The following CUL2 variants were observed in gnomAD, a reference collection of about 807,000 sequenced individuals.
CUL2 encodes the protein cullin 2.
A neutral mutation model predicts 110.2 loss-of-function variants in CUL2; 22 were observed. The ratio of observed to expected loss-of-function variants is 0.20; its 90% CI spans 0.14 to 0.28. The LOEUF is 0.28. CUL2 is among the 10% of genes least tolerant of loss of function. The probability of loss-of-function intolerance (pLI) is 1.00; values close to 1 mark genes in which losing one functional copy is unlikely to be tolerated. For synonymous variants in CUL2, 279 were observed against 293.2 expected, an observed-to-expected ratio of 0.95 and a Z score of 0.49; for missense variants, 631 against 905.5, an observed-to-expected ratio of 0.70 and a Z score of 3.89.
chr10:35,056,683 C>T (rs1264850694), intron 4 of CUL2, among the ~76,000 whole-genome samples: 2 of 152,176 alleles, frequency 1.3e-5, no homozygotes, highest in African/African-American at 4.8e-5. Flanking sequence ...AATATACAAA[C>T]AAATATAAGA....
At chr10:35,123,108 A>T (rs2087697499) in intron 1 of CUL2, among the ~76,000 whole-genome samples, 1 of 152,222 alleles carries the variant, frequency 6.6e-6, no homozygotes. Context: ...ACTGCACTCC[A>T]GCCAGGGTGA....
intron 16 of CUL2, among the ~76,000 whole-genome samples, chr10:35,027,680 C>T (rs2085370864): frequency 6.6e-6 from 1 of 152,012 alleles, no homozygotes; most frequent in South Asian, 2.1e-4. Context: ...CATGAGAAAA[C>T]TGTACACTAT....
chr10:35,116,958 A>G (rs910323847), intron 1 of CUL2, among the ~76,000 whole-genome samples: 11 of 149,282 alleles, frequency 7.4e-5, no homozygotes, highest in South Asian at 4.2e-4. Flanking sequence ...TTCCGTCTCA[A>G]AAAAAAAAAA....
intron 1 of CUL2, among the ~76,000 whole-genome samples, chr10:35,078,044 T>A (rs1012714295): frequency 6.6e-6 from 1 of 152,016 alleles, no homozygotes; most frequent in Non-Finnish European, 1.5e-5. Flanking sequence ...CTCATAAACA[T>A]TAATATTTTC....
chr10:35,067,889 C>G lies in CUL2; in HGVS notation c.119+3310G>C, dbSNP rs186871551. 2.6e-3 allele frequency among the ~76,000 whole-genome samples: 389 copies of G among 152,098 alleles called. 9 individuals are homozygous for G. In the East Asian group the frequency reaches 0.042, roughly 16 times the overall value. Reference sequence around the variant, plus strand: ...TTGGGAGGCTGAGGCAGGCGGATCACGAGGTCAGGAGATCGAGACCATCCT... The same window carrying G: ...TTGGGAGGCTGAGGCAGGCGGATCAGGAGGTCAGGAGATCGAGACCATCCT... On this transcript the variant is annotated intron_variant, in intron 2 of 20. Coordinates refer to ENST00000374749, the MANE Select transcript of CUL2 (RefSeq NM_003591.4).
chr10:35,081,411 T>C (rs1005981654), intron 1 of CUL2, among the ~76,000 whole-genome samples: 1 of 152,212 alleles, frequency 6.6e-6, no homozygotes, highest in Non-Finnish European at 1.5e-5. Context: ...TTTTGTTCAA[T>C]AATCTAGTCA....
rs776572346 is a variant in CUL2 at position 35,054,535 on chromosome 10, G to A, written c.322C>T (p.Leu108Phe). Residue 108 changes from leucine (L) to phenylalanine (F), a missense_variant, in exon 5 of 21, where the codon CTC (leucine) becomes TTC (phenylalanine). Physicochemically the swap from Leu to Phe is conservative, Grantham distance 22. Coordinates refer to ENST00000374749, the MANE Select transcript of CUL2 (RefSeq NM_003591.4). ...TTCTTTTTAATAAACTGGGTGTTGA[G>A]ATACCTGGAAAATAAATGTAATATC... ...ADYMDCLYRY[L>F]NTQFIKKNKL... 6.5e-7 allele frequency: 1 copy of A among 1,548,628 alleles called. No homozygotes were observed. The highest frequency in any genetic ancestry group is 1.2e-5 in the South Asian group (1 of 84,842).
At chr10:35,076,958 A>C (rs954989443) in intron 1 of CUL2, among the ~76,000 whole-genome samples, 1 of 152,098 alleles carries the variant, frequency 6.6e-6, no homozygotes, top group Non-Finnish European at 1.5e-5. Flanking sequence ...AGGCTGAGGC[A>C]GGAGAATGGC....
intron 14 of CUL2, among the ~76,000 whole-genome samples, chr10:35,030,957 T>C (rs920086579): frequency 2.6e-5 from 4 of 152,248 alleles, no homozygotes; most frequent in African/African-American, 9.6e-5. Context: ...AATATGAACC[T>C]GCTACCACTT....
At chr10:35,063,917 G>A (rs1465506121) in intron 2 of CUL2, 6 of 152,160 alleles carry the variant, frequency 3.9e-5, no homozygotes, top group Non-Finnish European at 8.8e-5. Flanking sequence ...GGAACTAGGT[G>A]TTTCATATGC....
intron 1 of CUL2, among the ~76,000 whole-genome samples, chr10:35,122,104 C>CTTAAATTATGAT (rs1366903073): frequency 6.6e-6 from 1 of 152,168 alleles, no homozygotes; most frequent in Non-Finnish European, 1.5e-5. Flanking sequence ...ATAAATCAAG[C>CTTAAATTATGAT]ACATATTATA....
At chr10:35,044,221 C>A (rs2085877211) in intron 8 of CUL2, among the ~76,000 whole-genome samples, 1 of 152,094 alleles carries the variant, frequency 6.6e-6, no homozygotes, top group African/African-American at 2.4e-5. Flanking sequence ...AGAGCTTCTG[C>A]ACTTATCCTA....
intron 3 of CUL2, among the ~76,000 whole-genome samples, chr10:35,062,083 T>C (rs2086397036): frequency 2.0e-5 from 3 of 152,166 alleles, no homozygotes; most frequent in Admixed American, 1.3e-4. Flanking sequence ...GAGTGAAGAT[T>C]CTTACGCAGG....
chr10:35,037,928 C>G (rs1336130131), intron 9 of CUL2, among the ~76,000 whole-genome samples: 1 of 151,820 alleles, frequency 6.6e-6, no homozygotes, highest in Non-Finnish European at 1.5e-5. Flanking sequence ...CCGGGGCAAG[C>G]AGATTATCTG....
intron 1 of CUL2, among the ~76,000 whole-genome samples, chr10:35,077,584 G>A (rs535210386): frequency 4.2e-4 from 64 of 151,950 alleles, no homozygotes; most frequent in Admixed American, 3.1e-3. Context: ...TTGGGAGGCC[G>A]AGGCAGGCGC....
At chr10:35,061,336 T>C (rs1457169121) in intron 3 of CUL2, among the ~76,000 whole-genome samples, 1 of 151,306 alleles carries the variant, frequency 6.6e-6, no homozygotes, top group Admixed American at 6.6e-5. Context: ...TAGCCAGCCG[T>C]GGTGGCACAT....
At chr10:35,124,690 T>C (rs1478908302) in intron 1 of CUL2, among the ~76,000 whole-genome samples, 3 of 152,122 alleles carry the variant, frequency 2.0e-5, no homozygotes, top group Non-Finnish European at 4.4e-5. Flanking sequence ...TACTAACACA[T>C]TTGTAGGGAA....
chr10:35,094,256 A>G (rs540401482), upstream of CUL2, among the ~76,000 whole-genome samples: 1 of 149,614 alleles, frequency 6.7e-6, no homozygotes, highest in African/African-American at 2.5e-5. Flanking sequence ...TTTTTTTGAG[A>G]TGGAGTTTCG....
intron 1 of CUL2, among the ~76,000 whole-genome samples, chr10:35,113,341 CA>C (rs2087545586): frequency 1.3e-5 from 2 of 149,580 alleles, no homozygotes; most frequent in African/African-American, 4.9e-5. Context: ...ACTAAAAATA[CA>C]AAAAAACTAG....
Sources: allele counts gnomAD v4.1 joint callset (sites outside exome capture counted in the v4.1 genomes callset), GRCh38; gene constraint gnomAD v4.1.1; transcripts MANE v1.5; gene names NCBI Gene and HGNC (gene_info 2026-07-23, HGNC 2026-07-21).